CCNF: variants seen among roughly 807,000 people sequenced by gnomAD.
CCNF encodes cyclin F, also known as cyclin-F.
CCNF carries 30 observed loss-of-function variants against 85.4 expected under a neutral mutation model. The ratio of observed to expected loss-of-function variants is 0.35; its 90% CI spans 0.26 to 0.48. The LOEUF (loss-of-function observed/expected upper bound fraction) is 0.48, where lower values mean the gene tolerates loss of function less well. Among genes scored for constraint, CCNF ranks in the 20% least tolerant of loss-of-function variants. CCNF has a pLI of 0.99. For missense variants in CCNF, 919 were observed against 1,010.4 expected (o/e 0.91, Z 1.23); for synonymous variants, 439 against 425.1 (o/e 1.03, Z -0.40).
rs2065344113 is a variant in CCNF, at chr16:2,443,548, G to A, written c.778-101G>A. On this transcript the variant is annotated intron_variant, in intron 8 of 16. Transcript: ENST00000397066. ...GAAGGTTTAAGTTAAGTAGGGCAGTGTGTCCACATGCATTTGGTGCCTGAA... is the reference window on the plus strand; with the variant it reads ...GAAGGTTTAAGTTAAGTAGGGCAGTATGTCCACATGCATTTGGTGCCTGAA... 4.6e-5 allele frequency: 51 copies of A among 1,113,806 alleles called. No individual in the cohort carries two copies. The South Asian group carries it at 7.1e-4, about 15-fold the overall frequency. The allele number at this position is 1,113,806 out of a possible 1,614,324, so 69.0% of individuals were successfully genotyped here.
At position 2,435,434 on chromosome 16, in the gene CCNF, G is replaced by T. The variant is rs1057423582; in HGVS notation, c.279-372G>T. ...TCTAGAAAAGAAAATATTTTTTTTT[G>T]ACTAGCTGAGCATGGTGGCACATGC... On this transcript the variant is annotated intron_variant, in intron 3 of 16. Transcript: ENST00000397066. Among the ~76,000 whole-genome samples, 7 of 106,742 alleles carry T rather than the reference G, an allele frequency of 6.6e-5. 1 individual carries two copies. Among genetic ancestry groups the T allele is most frequent in the African/African-American group, 2.8e-4 (7 of 25,422 alleles). The allele number at this position is 106,742 out of a possible 152,430, so 70.0% of individuals were successfully genotyped here.
In CCNF at chr16:2,457,274, G is replaced by GGGC. The variant is rs2065434919; in HGVS notation, c.*255_*257dup. Reference sequence around the variant, plus strand: ...GAAGCAGTTGGCCACACTGTGTGGAGGGCACCTCTCTGTCCCTTCCGTGTC... The same window carrying GGGC: ...GAAGCAGTTGGCCACACTGTGTGGAGGGCGGCACCTCTCTGTCCCTTCCGTGTC... On this transcript the variant is annotated 3_prime_UTR_variant, in exon 17 of 17. Transcript: ENST00000397066. The GGGC allele has an allele frequency of 2.3e-6, 1 of 433,058 alleles. No homozygotes were observed. The highest frequency in any genetic ancestry group is 2.0e-5 in the African/African-American group (1 of 50,466). 26.8% of individuals were successfully genotyped at this position (433,058 alleles called of 1,614,324 possible). A position where few individuals can be genotyped will look rare whatever the true frequency, so the allele number is the denominator to read the frequency against.
chr16:2,440,982 C>T (rs2065318051), intron 8 of CCNF, among the ~76,000 whole-genome samples: 1 of 152,240 alleles, frequency 6.6e-6, no homozygotes, highest in South Asian at 2.1e-4. Context: ...GCCTGTAATG[C>T]CAGCACTTTG....
chr16:2,433,475 C>A (rs764819593), intron 3 of CCNF, among the ~76,000 whole-genome samples: 16 of 152,354 alleles, frequency 1.1e-4, no homozygotes, highest in Non-Finnish European at 1.5e-4. Flanking sequence ...CACCCTGGCC[C>A]CTGTTCACAT....
At chr16:2,448,070 C>T (rs1006184675) in intron 10 of CCNF, among the ~76,000 whole-genome samples, 1 of 152,276 alleles carries the variant, frequency 6.6e-6, no homozygotes, top group Admixed American at 6.5e-5. Flanking sequence ...TGGTTGACAA[C>T]AGAGAACAGG....
intron 8 of CCNF, among the ~76,000 whole-genome samples, chr16:2,441,768 C>T (rs1447594744): frequency 2.6e-5 from 4 of 150,992 alleles, no homozygotes; most frequent in Admixed American, 6.6e-5. Flanking sequence ...CTGCCCTCCT[C>T]GGCCTCCCAA....
chr16:2,439,933 C>T, intron 8 of CCNF, 107 bp downstream of exon 8: 1 of 927,352 alleles, frequency 1.1e-6, no homozygotes, highest in Non-Finnish European at 1.7e-6. Context: ...TCTGGGCTCC[C>T]ACATGGGAGG....
chr16:2,429,550 C>A, intron 1 of CCNF, 53 bp downstream of exon 1: 1 of 1,225,598 alleles, frequency 8.2e-7, no homozygotes, highest in Non-Finnish European at 1.0e-6. Context: ...TTCTGCCTGC[C>A]CTGCGGGGCG....
chr16:2,430,199 G>C (rs1437050877), intron 1 of CCNF, among the ~76,000 whole-genome samples: 1 of 152,210 alleles, frequency 6.6e-6, no homozygotes, highest in Non-Finnish European at 1.5e-5. Context: ...GAGGGATTTG[G>C]GCCCACAGAG....
chr16:2,438,632 C>CTCTGTTTTTTTT (rs1303920267), intron 6 of CCNF, among the ~76,000 whole-genome samples: 1 of 147,710 alleles, frequency 6.8e-6, no homozygotes, highest in Admixed American at 6.7e-5. Context: ...CAGAGTGAGA[C>CTCTGTTTTTTTT]TCAGTCTCAG....
At chr16:2,446,993 G>C (rs1201752924) in intron 10 of CCNF, among the ~76,000 whole-genome samples, 2 of 152,174 alleles carry the variant, frequency 1.3e-5, no homozygotes, top group Non-Finnish European at 2.9e-5. Context: ...CAAGCATCCA[G>C]AGCTGTCTTC....
At chr16:2,455,310 C>G in intron 15 of CCNF, 85 bp from the exon 16 acceptor site, 1 of 1,453,056 alleles carries the variant, frequency 6.9e-7, no homozygotes, top group Non-Finnish European at 9.1e-7. Context: ...CTGGGGCACG[C>G]GGGTGTTAGA....
At chr16:2,438,035 G>C (rs778712309) in intron 5 of CCNF, 35 bp from the exon 6 acceptor site, 2 of 1,534,616 alleles carry the variant, frequency 1.3e-6, no homozygotes, top group South Asian at 2.2e-5. Context: ...AGTTCTCTGT[G>C]CTGGAAATCA....
rs2065309249 is a variant in CCNF, at chr16:2,439,420, G to C, written c.662G>C (p.Ser221Thr). The C allele has an allele frequency of 6.2e-7, 1 of 1,610,992 alleles. No homozygotes were observed. The highest frequency in any genetic ancestry group is 1.3e-5 in the African/African-American group (1 of 74,890). ...EEAAHQGCLT[S>T]SYLLWESDRR... The stretch of plus-strand genomic sequence containing the variant: ...GCTGCTCATCAGGGATGTCTGACCA[G>C]CTCCTACCTCCTCTGGGAAAGCGAC... The change falls in exon 7 of 17, where the codon AGC becomes ACC. Residue 221 changes from serine (S) to threonine (T), a missense_variant. Ser to Thr is a moderately conservative substitution (Grantham distance 58). Around this residue, in one of 3 missense-constraint regions of CCNF, gnomAD observed 410 missense variants for 478.6 expected, o/e 0.86. Coordinates refer to ENST00000397066, the MANE Select transcript of CCNF (RefSeq NM_001761.3).
At chr16:2,436,927 T>A in intron 4 of CCNF, 1 of 418,808 alleles carries the variant, frequency 2.4e-6, no homozygotes, top group Non-Finnish European at 4.2e-6. Flanking sequence ...TTGATCACAA[T>A]GACCCACCTG....
intron 11 of CCNF, 45 bp from the exon 12 acceptor site, chr16:2,449,237 G>A (rs899972029): frequency 1.9e-6 from 3 of 1,603,090 alleles, no homozygotes; most frequent in Non-Finnish European, 2.6e-6. Context: ...CTGCACCAAG[G>A]AGCCCCCGAG....
At position 2,439,791 on chromosome 16, in the gene CCNF, AG is replaced by A; in HGVS notation, c.745del (p.Asp249ThrfsTer14). The A allele has an allele frequency of 6.2e-7, 1 of 1,614,136 alleles. No individual in the cohort carries two copies. Among genetic ancestry groups the A allele is most frequent in the Non-Finnish European group, 8.5e-7 (1 of 1,180,006 alleles). On this transcript the variant is annotated frameshift_variant, in exon 8 of 17. Coordinates refer to ENST00000397066, the MANE Select transcript of CCNF (RefSeq NM_001761.3). LOFTEE classifies it high-confidence loss of function. ...GRCLHSFRKL[R>X]DYAAKGCWEA... is the part of the protein sequence containing the mutation. Reference sequence around the variant, plus strand: ...ATGCCTCCACAGCTTCCGAAAACTCAGGGACTACGCTGCCAAAGGCTGCTGG... The same window carrying A: ...ATGCCTCCACAGCTTCCGAAAACTCAGGACTACGCTGCCAAAGGCTGCTGG...
intron 8 of CCNF, among the ~76,000 whole-genome samples, chr16:2,441,322 C>G (rs11643323): frequency 0.76 from 114,860 of 152,002 alleles, 44,344 homozygotes; most frequent in African/African-American, 0.92. Context: ...CTTGAGCCTG[C>G]GAGGTCAAAG....
At chr16:2,441,382 G>A (rs1049465027) in intron 8 of CCNF, among the ~76,000 whole-genome samples, 6 of 152,090 alleles carry the variant, frequency 3.9e-5, no homozygotes, top group Non-Finnish European at 8.8e-5. Context: ...GGCTACAGAG[G>A]GAGACCCTAT....
Sources: gnomAD v4.1 joint callset for allele counts (sites outside exome capture counted in the v4.1 genomes callset) on GRCh38, gnomAD v4.1.1 for gene constraint, gnomAD v4.1.1 regional missense constraint, MANE v1.5 for transcripts, NCBI Gene and HGNC (gene_info 2026-07-23, HGNC 2026-07-21) for gene names.